DNAH5: variants seen among roughly 807,000 people sequenced by gnomAD.
DNAH5 encodes axonemal beta dynein heavy chain 5.
Under a neutral mutation model 518.2 loss-of-function variants are expected in DNAH5, and 372 were observed. The observed-to-expected ratio is 0.72, with a 90% CI of 0.66 to 0.78. DNAH5 has a LOEUF of 0.78. Ranked by LOEUF, DNAH5 falls within the 30% of genes least tolerant of loss-of-function variation. The probability of loss-of-function intolerance (pLI) is 0.00; values close to 1 mark genes in which losing one functional copy is unlikely to be tolerated. For missense variants in DNAH5, 5,523 were observed against 5,687.0 expected (o/e 0.97, Z 0.93); for synonymous variants, 2,039 against 2,025.9 (o/e 1.01, Z -0.17).
chr5:13,934,824 C>T (rs1333317202), intron 1 of DNAH5, among the ~76,000 whole-genome samples: 2 of 152,200 alleles, frequency 1.3e-5, no homozygotes, highest in Admixed American at 6.5e-5. Context: ...AGATAATCTA[C>T]CTGTTTTCTC....
intron 1 of DNAH5, among the ~76,000 whole-genome samples, chr5:14,001,876 A>G (rs147139848): frequency 5.3e-5 from 8 of 152,028 alleles, no homozygotes; most frequent in Non-Finnish European, 1.2e-4. Context: ...AATAAGCCCA[A>G]TGGTGATCCA....
intron 1 of DNAH5, among the ~76,000 whole-genome samples, 187 bp downstream of exon 1, chr5:13,944,195 A>C (rs931756681): frequency 2.6e-5 from 4 of 152,246 alleles, no homozygotes; most frequent in Admixed American, 6.5e-5. Flanking sequence ...CTACAGATGC[A>C]AAATTTTTTT....
At chr5:13,801,876 T>G (rs1758810167) in intron 47 of DNAH5, among the ~76,000 whole-genome samples, 1 of 152,160 alleles carries the variant, frequency 6.6e-6, no homozygotes, top group African/African-American at 2.4e-5. Flanking sequence ...GACTGTGAAG[T>G]GATGTTCACC....
intron 65 of DNAH5, among the ~76,000 whole-genome samples, chr5:13,745,953 C>A (rs924093145): frequency 6.6e-6 from 1 of 152,020 alleles, no homozygotes; most frequent in African/African-American, 2.4e-5. Flanking sequence ...TTTATGATTT[C>A]ATTTATTTTT....
intron 1 of DNAH5, among the ~76,000 whole-genome samples, chr5:13,987,839 C>CA (rs397939421): frequency 0.081 from 8,231 of 101,546 alleles, 589 homozygotes; most frequent in African/African-American, 0.22. Flanking sequence ...GGGCAAGTCT[C>CA]AAAAAAAAAA....
rs146371275 is a variant in DNAH5, at chr5:13,712,207, C to T, written c.13125+2198G>A. 2.1e-3 allele frequency among the ~76,000 whole-genome samples: 321 copies of T among 152,096 alleles called. 7 individuals carry two copies. The East Asian group carries it at 0.046, about 22-fold the overall frequency. The stretch of plus-strand genomic sequence containing the variant: ...CTGATTTCGACAAAGCAAACAAAAA[C>T]CTAAAGTGGGGAAAGGACACCCTTT... On this transcript the variant is annotated intron_variant, in intron 75 of 78. Coordinates refer to ENST00000265104, the MANE Select transcript of DNAH5 (RefSeq NM_001369.3).
intron 28 of DNAH5, among the ~76,000 whole-genome samples, chr5:13,863,939 A>T (rs745664892): frequency 6.6e-6 from 1 of 152,138 alleles, no homozygotes; most frequent in Non-Finnish European, 1.5e-5. Context: ...CAGATGCTCC[A>T]TGCATAATGC....
chr5:13,857,013 G>A (rs904202222), intron 30 of DNAH5, among the ~76,000 whole-genome samples: 5 of 152,152 alleles, frequency 3.3e-5, no homozygotes, highest in African/African-American at 1.2e-4. Flanking sequence ...TCTGGCCAGG[G>A]CAATCAGGCA....
chr5:13,837,351 G>T (rs528758642), intron 35 of DNAH5, among the ~76,000 whole-genome samples: 90 of 152,302 alleles, frequency 5.9e-4, no homozygotes, highest in African/African-American at 2.1e-3. Flanking sequence ...TCACGGTAGG[G>T]TTCGCTGGGT....
At chr5:13,882,357 A>T (rs866327873) in intron 21 of DNAH5, among the ~76,000 whole-genome samples, 2,026 of 96,662 alleles carry the variant, frequency 0.021, 46 homozygotes, top group African/African-American at 0.062. Context: ...CTACAATTTA[A>T]AAAAAAAAAA....
At chr5:13,880,784 C>A (rs1771551039) in intron 21 of DNAH5, among the ~76,000 whole-genome samples, 11 of 151,604 alleles carry the variant, frequency 7.3e-5, no homozygotes. Context: ...TACAAAACAA[C>A]CAGAAAACAA....
chr5:13,778,518 A>C (rs1452234522), intron 53 of DNAH5, among the ~76,000 whole-genome samples: 1 of 114,468 alleles, frequency 8.7e-6, no homozygotes, highest in African/African-American at 3.2e-5. Context: ...GAGGGAGGGG[A>C]GAGAAAGTGA....
At chr5:13,729,396 G>C (rs760266144) in intron 69 of DNAH5, 43 bp downstream of exon 69, 1 of 1,612,262 alleles carries the variant, frequency 6.2e-7, no homozygotes, top group Non-Finnish European at 8.5e-7. Flanking sequence ...TCAGAAAGCT[G>C]CTCAACATGA....
chr5:13,793,035 C>T (rs1385185342), intron 49 of DNAH5, among the ~76,000 whole-genome samples: 1 of 152,160 alleles, frequency 6.6e-6, no homozygotes, highest in East Asian at 1.9e-4. Context: ...TAATCAATAA[C>T]TTATTAGAAT....
At chr5:13,869,788 T>C (rs1561473099) in intron 24 of DNAH5, among the ~76,000 whole-genome samples, 1 of 152,020 alleles carries the variant, frequency 6.6e-6, no homozygotes, top group East Asian at 1.9e-4. Context: ...ATGCTACTTT[T>C]TAATTAGGGA....
chr5:13,715,067 AC>A (rs1324890045), intron 74 of DNAH5, among the ~76,000 whole-genome samples: 1 of 152,164 alleles, frequency 6.6e-6, no homozygotes, highest in African/African-American at 2.4e-5. Context: ...TGGGAGTCAT[AC>A]CCACCCAGGG....
At chr5:13,771,995 C>A (rs1442005270) in intron 55 of DNAH5, among the ~76,000 whole-genome samples, 1 of 152,128 alleles carries the variant, frequency 6.6e-6, no homozygotes, top group Non-Finnish European at 1.5e-5. Context: ...GACAATTCAT[C>A]GGCTTCATTA....
chr5:13,948,109 G>A (rs1383565268), upstream of DNAH5, among the ~76,000 whole-genome samples: 6 of 152,228 alleles, frequency 3.9e-5, no homozygotes. Flanking sequence ...ATGTGAGGAA[G>A]AAATGTGTGT....
chr5:13,914,095 C>G (rs1459643807), intron 10 of DNAH5, 137 bp from the exon 11 acceptor site: 2 of 1,050,612 alleles, frequency 1.9e-6, no homozygotes, highest in Non-Finnish European at 2.7e-6. Context: ...TGTACTCACT[C>G]ATCAGCCTGG....
Sources: allele counts gnomAD v4.1 joint callset (sites outside exome capture counted in the v4.1 genomes callset), GRCh38; gene constraint gnomAD v4.1.1; transcripts MANE v1.5; gene names NCBI Gene and HGNC (gene_info 2026-07-23, HGNC 2026-07-21).